RNF114: variants seen among roughly 807,000 people sequenced by gnomAD.
The protein encoded by RNF114 is ring finger protein 114.
In RNF114, 6 loss-of-function variants were observed where a neutral mutation model predicts 28.4. That is an observed-to-expected ratio of 0.21 (90% CI 0.12 to 0.42). The LOEUF is 0.42. Ranked by LOEUF, RNF114 falls within the 10% of genes least tolerant of loss-of-function variation. RNF114 has a pLI of 1.00. For synonymous variants in RNF114, 115 were observed against 116.7 expected (o/e 0.99, Z 0.09); for missense variants, 249 against 311.7 (o/e 0.80, Z 1.51).
At chr20:49,951,937 A>G (rs2090356706) in intron 5 of RNF114, 139 bp from the exon 6 acceptor site, 2 of 634,080 alleles carry the variant, frequency 3.2e-6, no homozygotes, top group South Asian at 1.8e-5. Context: ...CATACCTAGC[A>G]TCACAAACAG....
intron 5 of RNF114, among the ~76,000 whole-genome samples, chr20:49,949,862 C>G (rs1600872625): frequency 6.6e-6 from 1 of 151,858 alleles, no homozygotes; most frequent in African/African-American, 2.4e-5. Flanking sequence ...CCAGGCTGGT[C>G]TCGAACTCCT....
chr20:49,951,465 C>T lies in RNF114; in HGVS notation c.622-611C>T, dbSNP rs367677766. Among the ~76,000 whole-genome samples the T allele has an allele frequency of 3.9e-4, 59 of 152,254 alleles. 2 individuals are homozygous for T. The South Asian group carries it at 0.012, about 30-fold the overall frequency. On this transcript the variant is annotated intron_variant, in intron 5 of 5. Transcript: ENST00000244061. The stretch of plus-strand genomic sequence containing the variant: ...ACAACTCTTCAGCTCAGTGCATCTG[C>T]GTGCTCTGTTCCGACAGACTTACAA...
At chr20:49,940,055 A>AAC in intron 1 of RNF114, among the ~76,000 whole-genome samples, 1 of 135,524 alleles carries the variant, frequency 7.4e-6, no homozygotes, top group East Asian at 1.9e-4. Context: ...CTCTGTCTCA[A>AAC]AAAAAAAAAA....
intron 1 of RNF114, among the ~76,000 whole-genome samples, chr20:49,936,960 G>A (rs1339502455): frequency 2.0e-5 from 3 of 152,144 alleles, no homozygotes; most frequent in African/African-American, 4.8e-5. Context: ...TCTAGCTGTG[G>A]CGAGTTATTC....
rs145385215 is a variant in RNF114, at chr20:49,943,114, T to C, written c.291+1403T>C. 2.1e-3 allele frequency among the ~76,000 whole-genome samples: 321 copies of C among 152,244 alleles called. 1 individual carries two copies. Among genetic ancestry groups the C allele is most frequent in the South Asian group, 0.011 (54 of 4,828 alleles). ...CCCATAGTAAGAATATACCTTACCA[T>C]CTCCTTTTCAGCGTGATTTAGTATT... On this transcript the variant is annotated intron_variant, in intron 2 of 5. Transcript: ENST00000244061.
Position 49,936,442 on chromosome 20 carries a change from T to C in RNF114, c.30T>C (p.Gly10=), listed in dbSNP as rs879674851. The C allele has an allele frequency of 9.7e-6, 15 of 1,541,328 alleles. No individual in the cohort carries two copies. In the East Asian group the frequency reaches 2.6e-4, roughly 26 times the overall value. The change falls in exon 1 of 6, where the codon GGT becomes GGC. Residue 10 remains glycine, a synonymous_variant. Coordinates refer to ENST00000244061, the MANE Select transcript of RNF114 (RefSeq NM_018683.4). The part of the protein sequence containing the change: MAAQQRDCG[G]AAQLAGPAAE... Reference sequence around the variant, plus strand: ...CGGCGCAACAGCGGGACTGCGGGGGTGCTGCGCAGCTGGCGGGGCCGGCGG... The same window carrying C: ...CGGCGCAACAGCGGGACTGCGGGGGCGCTGCGCAGCTGGCGGGGCCGGCGG...
intron 5 of RNF114, among the ~76,000 whole-genome samples, chr20:49,951,257 C>T (rs2090354128): frequency 6.6e-6 from 1 of 151,378 alleles, no homozygotes; most frequent in Non-Finnish European, 1.5e-5. Context: ...AGAATAACTG[C>T]CCTTTTTGTT....
rs11475779 is a variant in RNF114, at chr20:49,952,703, TG to T, written c.*564del. ...CTTGGGGTTTTGTACCATCTGATGC[TG>T]GAAGTTTTGATTAGTGATATTTTCT... On this transcript the variant is annotated 3_prime_UTR_variant, in exon 6 of 6. Transcript: ENST00000244061. The T allele has an allele frequency of 0.42, 67,597 of 159,316 alleles. 16,518 individuals carry two copies. Among genetic ancestry groups the T allele is most frequent in the East Asian group, 0.79 (4,276 of 5,424 alleles). 9.9% of individuals were successfully genotyped at this position (159,316 alleles called of 1,614,324 possible). A position where few individuals can be genotyped will look rare whatever the true frequency, so the allele number is the denominator to read the frequency against.
At chr20:49,942,930 A>C (rs2090313298) in intron 2 of RNF114, among the ~76,000 whole-genome samples, 1 of 152,230 alleles carries the variant, frequency 6.6e-6, no homozygotes, top group African/African-American at 2.4e-5. Context: ...TTGCAAAATG[A>C]GATTATACTA....
At chr20:49,947,112 T>C (rs1242506834) in intron 4 of RNF114, among the ~76,000 whole-genome samples, 2 of 150,184 alleles carry the variant, frequency 1.3e-5, no homozygotes, top group African/African-American at 5.0e-5. Context: ...CCCAGCTACT[T>C]GGGAGGCTGA....
chr20:49,948,280 A>G (rs2090342272), intron 4 of RNF114, among the ~76,000 whole-genome samples: 1 of 152,052 alleles, frequency 6.6e-6, no homozygotes, highest in Non-Finnish European at 1.5e-5. Flanking sequence ...GCTGTGGGGT[A>G]GGGTTCCACC....
intron 1 of RNF114, among the ~76,000 whole-genome samples, chr20:49,939,945 T>C (rs1330543739): frequency 6.7e-6 from 1 of 150,044 alleles, no homozygotes; most frequent in Non-Finnish European, 1.5e-5. Flanking sequence ...CCCCAGCCAC[T>C]TGGGAGTCTG....
intron 3 of RNF114, among the ~76,000 whole-genome samples, 200 bp downstream of exon 3, chr20:49,945,688 C>T (rs901659660): frequency 1.8e-4 from 27 of 152,098 alleles, no homozygotes; most frequent in African/African-American, 6.0e-4. Flanking sequence ...TTTTTTGAGA[C>T]AGAGTCTCGC....
At chr20:49,938,949 G>T (rs1269090830) in intron 1 of RNF114, among the ~76,000 whole-genome samples, 3 of 152,206 alleles carry the variant, frequency 2.0e-5, no homozygotes, top group Non-Finnish European at 2.9e-5. Context: ...CACAGGCCCT[G>T]CCTGTCTCTA....
chr20:49,952,392 G>A lies in RNF114; in HGVS notation c.*251G>A, dbSNP rs6125829. ...CACGGTCGAGTTCGTATTGGTTCTC[G>A]GCTACTTCCTGGAGCTTCTGCCGCC... is the stretch of plus-strand genomic sequence containing the variant. On this transcript the variant is annotated 3_prime_UTR_variant, in exon 6 of 6. Transcript: ENST00000244061. 9 of 539,838 alleles carry A rather than the reference G, an allele frequency of 1.7e-5. No individual in the cohort carries two copies. In the East Asian group the frequency reaches 2.3e-4, roughly 14 times the overall value. The allele number at this position is 539,838 out of a possible 1,614,324, so 33.4% of individuals were successfully genotyped here.
At chr20:49,939,922 T>A (rs1157305884) in intron 1 of RNF114, among the ~76,000 whole-genome samples, 5 of 151,846 alleles carry the variant, frequency 3.3e-5, no homozygotes, top group Non-Finnish European at 2.9e-5. Context: ...GGTGTGGTCA[T>A]GCGCGCCTGT....
rs752000917 is a variant in RNF114, at chr20:49,949,388, C to T, written c.621+33C>T. On this transcript the variant is annotated intron_variant, in intron 5 of 5. Transcript: ENST00000244061. ...TGGAGCCTGGGCTCTGATCCCTCCCCTGGGGGAGTGGCACGGCTACTTCAC... is the reference window on the plus strand; with the variant it reads ...TGGAGCCTGGGCTCTGATCCCTCCCTTGGGGGAGTGGCACGGCTACTTCAC... The T allele has an allele frequency of 5.1e-6, 8 of 1,554,188 alleles. No individual in the cohort carries two copies. In the South Asian group the frequency reaches 6.7e-5, roughly 13 times the overall value.
Position 49,941,654 on chromosome 20 carries a change from G to T in RNF114, c.234G>T (p.Val78=). Reference sequence around the variant, plus strand: ...CTCTGGCACCTGGCGTCCGAGCCGTGGAGCTCGAGCGGCAGATCGAGAGCA... The same window carrying T: ...CTCTGGCACCTGGCGTCCGAGCCGTTGAGCTCGAGCGGCAGATCGAGAGCA... The part of the protein sequence containing the change: ...RSALAPGVRA[V]ELERQIESTE... The change falls in exon 2 of 6, where the codon GTG becomes GTT. Residue 78 remains valine (V), a synonymous_variant. Coordinates refer to ENST00000244061, the MANE Select transcript of RNF114 (RefSeq NM_018683.4). The T allele has an allele frequency of 6.2e-7, 1 of 1,612,990 alleles. No homozygotes were observed.
chr20:49,945,505 C>T lies in RNF114; in HGVS notation c.398+17C>T. 1 of 1,466,122 alleles carries T rather than the reference C, an allele frequency of 6.8e-7. No individual in the cohort carries two copies. The highest frequency in any genetic ancestry group is 9.6e-7 in the Non-Finnish European group (1 of 1,045,366). 90.8% of individuals were successfully genotyped at this position (1,466,122 alleles called of 1,614,324 possible). A position where few individuals can be genotyped will look rare whatever the true frequency, so the allele number is the denominator to read the frequency against. Reference sequence around the variant, plus strand: ...TCAGCCAAGGTAAATGACTCAGTCTCCCCTTAGGTGGAGGTCATCTCTTGC... The same window carrying T: ...TCAGCCAAGGTAAATGACTCAGTCTTCCCTTAGGTGGAGGTCATCTCTTGC... On this transcript the variant is annotated intron_variant, in intron 3 of 5. Coordinates refer to ENST00000244061, the MANE Select transcript of RNF114 (RefSeq NM_018683.4).
Sources: gnomAD v4.1 joint callset for allele counts (sites outside exome capture counted in the v4.1 genomes callset) on GRCh38, gnomAD v4.1.1 for gene constraint, MANE v1.5 for transcripts, NCBI Gene and HGNC (gene_info 2026-07-23, HGNC 2026-07-21) for gene names.